The following MYO1H variants were observed in gnomAD, a reference collection of about 807,000 sequenced individuals.
MYO1H encodes the protein unconventional myosin-Ih.
Under a neutral mutation model 149.3 loss-of-function variants are expected in MYO1H, and 118 were observed. The ratio of observed to expected loss-of-function variants is 0.79; its 90% CI spans 0.68 to 0.92. The LOEUF is 0.92. Ranked by LOEUF, MYO1H falls within the 40% of genes least tolerant of loss-of-function variation. MYO1H has a pLI of 0.00. For synonymous variants in MYO1H, 447 were observed against 465.2 expected (o/e 0.96, Z 0.50); for missense variants, 1,212 against 1,280.7 (o/e 0.95, Z 0.82).
chr12:109,387,565 G>A (rs1869402058), intron 1 of MYO1H, among the ~76,000 whole-genome samples: 1 of 152,238 alleles, frequency 6.6e-6, no homozygotes, highest in South Asian at 2.1e-4. Context: ...GGGCACTGGA[G>A]GGACATTGCA....
chr12:109,376,098 A>G (rs1022543281), intron 1 of MYO1H, among the ~76,000 whole-genome samples: 58 of 152,062 alleles, frequency 3.8e-4, no homozygotes, highest in African/African-American at 1.4e-3. Flanking sequence ...TTTTTTGGTA[A>G]CCATCTTACT....
At chr12:109,313,006 C>A in the MYO1H span, among the ~76,000 whole-genome samples, 3 of 151,560 alleles carry the variant, frequency 2.0e-5, no homozygotes, top group Non-Finnish European at 4.4e-5. Context: ...TTTGGGAGGC[C>A]GAGGCGGGTG....
chr12:109,378,315 T>TTTTA (rs966452904), intron 1 of MYO1H, among the ~76,000 whole-genome samples: 12 of 151,750 alleles, frequency 7.9e-5, no homozygotes, highest in African/African-American at 2.4e-4. Context: ...TTTTTTTCTT[T>TTTTA]TTTATTTATT....
At chr12:109,428,013 G>T (rs1235022828) in intron 19 of MYO1H, among the ~76,000 whole-genome samples, 1 of 141,834 alleles carries the variant, frequency 7.1e-6, no homozygotes, top group Non-Finnish European at 1.5e-5. Flanking sequence ...CTGAGCCTGG[G>T]AGGTTGAGGC....
At chr12:109,421,106 C>T in intron 16 of MYO1H, 79 bp downstream of exon 16, 1 of 1,047,754 alleles carries the variant, frequency 9.5e-7, no homozygotes. Context: ...TAGAATTCGC[C>T]TTCTGGATTT....
At chr12:109,377,855 C>T (rs557075491) in intron 1 of MYO1H, among the ~76,000 whole-genome samples, 2 of 152,262 alleles carry the variant, frequency 1.3e-5, no homozygotes, top group Admixed American at 6.5e-5. Context: ...CTCTCACCAC[C>T]AGGATAATAA....
Position 109,396,304 on chromosome 12 carries a change from C to T in MYO1H, c.291-80C>T. 3.3e-6 allele frequency: 4 copies of T among 1,217,404 alleles called. No individual in the cohort carries two copies. The South Asian group carries it at 4.6e-5, about 14-fold the overall frequency. The allele number at this position is 1,217,404 out of a possible 1,614,324, so 75.4% of individuals were successfully genotyped here. ...GTGGCTTCCTGGAGATGGAGCACCT[C>T]ATTTTTCTTCTTTGGTGGGTGTCAG... On this transcript the variant is annotated intron_variant, in intron 3 of 31. Transcript: ENST00000310903.
the MYO1H span, among the ~76,000 whole-genome samples, chr12:109,313,325 G>C: frequency 6.6e-6 from 1 of 152,170 alleles, no homozygotes; most frequent in Admixed American, 6.5e-5. Context: ...GTGCATGCCA[G>C]TAATTTCGAA....
chr12:109,425,914 C>T (rs764893920), intron 17 of MYO1H, 32 bp from the exon 18 acceptor site: 6 of 1,483,180 alleles, frequency 4.0e-6, no homozygotes, highest in South Asian at 1.1e-5. Context: ...CTCTCTGGCT[C>T]GTTCTCTCTC....
chr12:109,317,776 T>C, the MYO1H span, among the ~76,000 whole-genome samples: 1 of 152,326 alleles, frequency 6.6e-6, no homozygotes, highest in African/African-American at 2.4e-5. Context: ...TGAGTATTAA[T>C]GACAGTGTCC....
At chr12:109,311,822 C>T in the MYO1H span, among the ~76,000 whole-genome samples, 11 of 152,294 alleles carry the variant, frequency 7.2e-5, no homozygotes, top group African/African-American at 2.6e-4. Flanking sequence ...AACACAAACC[C>T]AGTTTACCAG....
Position 109,435,080 on chromosome 12 carries a change from G to A in MYO1H, c.2107G>A (p.Glu703Lys), listed in dbSNP as rs755229590. The change falls in exon 21 of 32, where the codon GAA (glutamate) becomes AAA (lysine). Residue 703 changes from glutamate (E) to lysine (K), a missense_variant. Physicochemically the swap from Glu to Lys is moderately conservative, Grantham distance 56 (BLOSUM62 1). Coordinates refer to ENST00000310903, the Ensembl canonical transcript of MYO1H. ...TTTCCCCAGAACTCTGTTTGCTACC[G>A]AAGATGCCTTTGAATTTAGTAAACA... 38 of 1,609,352 alleles carry A rather than the reference G, an allele frequency of 2.4e-5. 1 individual carries two copies. The Middle Eastern group carries it at 4.9e-4, about 21-fold the overall frequency.
intron 5 of MYO1H, 87 bp from the exon 6 acceptor site, chr12:109,401,006 A>G: frequency 8.5e-7 from 1 of 1,170,504 alleles, no homozygotes; most frequent in Non-Finnish European, 1.2e-6. Flanking sequence ...GACTTCATTC[A>G]AACTTAGAAC....
At chr12:109,332,213 A>G in the MYO1H span, among the ~76,000 whole-genome samples, 1 of 152,192 alleles carries the variant, frequency 6.6e-6, no homozygotes, top group Non-Finnish European at 1.5e-5. Flanking sequence ...TTGGAAAACA[A>G]TGTAGTATTT....
At chr12:109,321,858 A>C in the MYO1H span, among the ~76,000 whole-genome samples, 7 of 152,184 alleles carry the variant, frequency 4.6e-5, no homozygotes, top group African/African-American at 1.7e-4. Context: ...TGATGACTAC[A>C]ACCATTCCAG....
chr12:109,438,617 G>C (rs561785754), exon 23 of MYO1H: 2 of 1,610,382 alleles, frequency 1.2e-6, no homozygotes, highest in Admixed American at 1.7e-5. Context: ...CGGATTATCA[G>C]AAAGTAAGTT....
intron 31 of MYO1H, among the ~76,000 whole-genome samples, chr12:109,446,751 G>A (rs1471666232): frequency 1.3e-5 from 2 of 152,178 alleles, no homozygotes; most frequent in African/African-American, 4.8e-5. Context: ...GCGATAGAGT[G>A]AGACTCCATC....
intron 1 of MYO1H, 54 bp downstream of exon 1, chr12:109,348,026 C>G: frequency 2.5e-6 from 1 of 399,028 alleles, no homozygotes; most frequent in Non-Finnish European, 4.4e-6. Flanking sequence ...TCTTTTCTAC[C>G]AAGAACTTTC....
intron 14 of MYO1H, among the ~76,000 whole-genome samples, chr12:109,414,657 C>T (rs1870826885): frequency 6.6e-6 from 1 of 151,992 alleles, no homozygotes; most frequent in Admixed American, 6.6e-5. Flanking sequence ...GTTTCTGTGG[C>T]TCAGTTCTAT....
Sources: gnomAD v4.1 joint callset for allele counts (sites outside exome capture counted in the v4.1 genomes callset) on GRCh38, gnomAD v4.1.1 for gene constraint, MANE v1.5 for transcripts, NCBI Gene and HGNC (gene_info 2026-07-23, HGNC 2026-07-21) for gene names.